GPC6: variants seen among roughly 807,000 people sequenced by gnomAD.
GPC6 encodes the protein glypican 6.
GPC6 carries 14 observed loss-of-function variants against 55.2 expected under a neutral mutation model. That is an observed-to-expected ratio of 0.25 (90% confidence interval 0.17 to 0.40). The LOEUF (loss-of-function observed/expected upper bound fraction) is 0.40, where lower values mean the gene tolerates loss of function less well. Among genes scored for constraint, GPC6 ranks in the 10% least tolerant of loss-of-function variants. The pLI, the probability that GPC6 is intolerant of heterozygous loss-of-function variation, is 1.00. For synonymous variants in GPC6, 278 were observed against 259.6 expected (o/e 1.07, Z -0.68); for missense variants, 641 against 708.5 (o/e 0.90, Z 1.08).
intron 1 of GPC6, among the ~76,000 whole-genome samples, chr13:93,252,324 C>G (rs1281669510): frequency 6.6e-6 from 1 of 152,190 alleles, no homozygotes; most frequent in South Asian, 2.1e-4. Flanking sequence ...TTCAATAACT[C>G]AAACTATTTT....
At chr13:93,284,729 T>G (rs1292847193) in intron 1 of GPC6, among the ~76,000 whole-genome samples, 1 of 152,180 alleles carries the variant, frequency 6.6e-6, no homozygotes, top group East Asian at 1.9e-4. Context: ...AGTGAGTGCC[T>G]ACTGTGTGCC....
At chr13:93,342,291 G>C (rs1010335463) in intron 1 of GPC6, among the ~76,000 whole-genome samples, 1 of 152,078 alleles carries the variant, frequency 6.6e-6, no homozygotes, top group African/African-American at 2.4e-5. Context: ...AGAAATACCT[G>C]AGATTGGGTA....
rs199549426 is a variant in GPC6 at position 93,330,908 on chromosome 13, C to T, written c.160+103292C>T. On this transcript the variant is annotated intron_variant, in intron 1 of 8. Coordinates refer to ENST00000377047, the MANE Select transcript of GPC6 (RefSeq NM_005708.5). The stretch of plus-strand genomic sequence containing the variant: ...ATCATATCTTCTTACAGTTCTATCA[C>T]TTTTTTTGGCTATAGACTTTTGGAA... 1.1e-4 allele frequency among the ~76,000 whole-genome samples: 16 copies of T among 152,224 alleles called. No individual in the cohort carries two copies. In the East Asian group the frequency reaches 2.9e-3, roughly 27 times the overall value.
intron 2 of GPC6, among the ~76,000 whole-genome samples, chr13:93,646,239 G>A (rs562758661): frequency 1.3e-5 from 2 of 152,108 alleles, no homozygotes; most frequent in Non-Finnish European, 2.9e-5. Context: ...ATTGATTAAT[G>A]ACCTGAATTA....
intron 3 of GPC6, among the ~76,000 whole-genome samples, chr13:93,942,738 G>C (rs924306402): frequency 6.6e-6 from 1 of 152,176 alleles, no homozygotes; most frequent in Non-Finnish European, 1.5e-5. Flanking sequence ...GGAGGGGTAC[G>C]AGTGCCAGAA....
At chr13:93,998,226 G>A (rs1881644604) in intron 3 of GPC6, among the ~76,000 whole-genome samples, 2 of 152,232 alleles carry the variant, frequency 1.3e-5, no homozygotes, top group East Asian at 1.9e-4. Flanking sequence ...TAAGACCATA[G>A]ATGACAATAA....
chr13:93,933,750 T>C (rs1878295450), intron 3 of GPC6, among the ~76,000 whole-genome samples: 2 of 152,194 alleles, frequency 1.3e-5, no homozygotes, highest in South Asian at 4.1e-4. Context: ...TTTCAAAATA[T>C]AAACTTTCTT....
At chr13:94,043,680 TG>T (rs2138742979) in intron 4 of GPC6, among the ~76,000 whole-genome samples, 1 of 151,996 alleles carries the variant, frequency 6.6e-6, no homozygotes, top group Non-Finnish European at 1.5e-5. Context: ...TCTCCAACAA[TG>T]AGAAATCCGG....
In GPC6 at chr13:93,852,640, G is replaced by A. The variant is rs542116680; in HGVS notation, c.711+22095G>A. Among the ~76,000 whole-genome samples the A allele has an allele frequency of 8.6e-5, 13 of 151,690 alleles. No individual in the cohort carries two copies. The East Asian group carries it at 2.3e-3, about 27-fold the overall frequency. Reference sequence around the variant, plus strand: ...CTCCAATTAATAGCAGAAAACCACTGAAAAGAGACTTTTTCCCCACAAACT... The same window carrying A: ...CTCCAATTAATAGCAGAAAACCACTAAAAAGAGACTTTTTCCCCACAAACT... On this transcript the variant is annotated intron_variant, in intron 3 of 8. Coordinates refer to ENST00000377047, the MANE Select transcript of GPC6 (RefSeq NM_005708.5).
intron 2 of GPC6, among the ~76,000 whole-genome samples, chr13:93,703,459 A>G (rs978751824): frequency 6.6e-6 from 1 of 151,992 alleles, no homozygotes; most frequent in African/African-American, 2.4e-5. Context: ...TAAAAATGGC[A>G]CTGACAAAAG....
chr13:94,271,382 G>GCGCGCACACACACA (rs1491286473), intron 4 of GPC6, among the ~76,000 whole-genome samples: 12 of 126,684 alleles, frequency 9.5e-5, no homozygotes, highest in African/African-American at 3.0e-4. Context: ...GCGCGCGCGC[G>GCGCGCACACACACA]CACACACACA....
At chr13:93,823,398 T>A (rs992109731) in intron 2 of GPC6, among the ~76,000 whole-genome samples, 2 of 152,038 alleles carry the variant, frequency 1.3e-5, no homozygotes, top group African/African-American at 4.8e-5. Context: ...TGCATTCTGG[T>A]TCTATTGATC....
intron 1 of GPC6, among the ~76,000 whole-genome samples, chr13:93,408,272 G>C (rs1323442741): frequency 6.6e-6 from 1 of 152,134 alleles, no homozygotes. Context: ...TAAAAATACA[G>C]ATCTTTATAG....
intron 3 of GPC6, among the ~76,000 whole-genome samples, chr13:94,018,688 G>C (rs1390425966): frequency 6.6e-6 from 1 of 152,138 alleles, no homozygotes; most frequent in Non-Finnish European, 1.5e-5. Flanking sequence ...TATAGCAGGG[G>C]TCCCCAACCC....
intron 2 of GPC6, among the ~76,000 whole-genome samples, chr13:93,653,701 C>T (rs187896935): frequency 4.6e-5 from 7 of 151,818 alleles, no homozygotes; most frequent in Admixed American, 6.6e-5. Context: ...TTAAAGTTTA[C>T]TGTCAATTTT....
intron 1 of GPC6, among the ~76,000 whole-genome samples, chr13:93,258,347 C>T (rs1877025819): frequency 6.6e-6 from 1 of 152,096 alleles, no homozygotes; most frequent in African/African-American, 2.4e-5. Context: ...ATGGAGGTTT[C>T]AGCATTGTCC....
At chr13:93,336,313 C>T (rs577044030) in intron 1 of GPC6, among the ~76,000 whole-genome samples, 1 of 152,182 alleles carries the variant, frequency 6.6e-6, no homozygotes, top group Non-Finnish European at 1.5e-5. Flanking sequence ...CTTCCACCTG[C>T]AGATGTTTCT....
intron 1 of GPC6, among the ~76,000 whole-genome samples, chr13:93,396,883 T>G (rs1157270375): frequency 6.6e-6 from 1 of 152,162 alleles, no homozygotes; most frequent in Non-Finnish European, 1.5e-5. Flanking sequence ...ATGCACATGC[T>G]TTTAAAAATT....
At position 93,850,207 on chromosome 13, in the gene GPC6, TC is replaced by T. The variant is rs11301486; in HGVS notation, c.711+19663del. On this transcript the variant is annotated intron_variant, in intron 3 of 8. Coordinates refer to ENST00000377047, the MANE Select transcript of GPC6 (RefSeq NM_005708.5). Reference sequence around the variant, plus strand: ...AGAAAACACCAGTGCATATGTTTATTCACCCCTTCATTCAGCAGCATTTATT... The same window carrying T: ...AGAAAACACCAGTGCATATGTTTATTACCCCTTCATTCAGCAGCATTTATT... 6.8e-3 allele frequency among the ~76,000 whole-genome samples: 1,029 copies of T among 152,124 alleles called. 17 individuals are homozygous for T. Among genetic ancestry groups the T allele is most frequent in the African/African-American group, 0.023 (975 of 41,542 alleles).
Sources: allele counts gnomAD v4.1 joint callset (sites outside exome capture counted in the v4.1 genomes callset), GRCh38; gene constraint gnomAD v4.1.1; transcripts MANE v1.5; gene names NCBI Gene and HGNC (gene_info 2026-07-23, HGNC 2026-07-21).